Variants in ERMARD observed in about 807,000 individuals in gnomAD.
ERMARD encodes the protein endoplasmic reticulum membrane-associated RNA degradation protein.
Under a neutral mutation model 83.9 loss-of-function variants are expected in ERMARD, and 71 were observed. The ratio of observed to expected loss-of-function variants is 0.85; its 90% CI spans 0.70 to 1.03. The LOEUF (loss-of-function observed/expected upper bound fraction) is 1.03. ERMARD is among the 50% of genes least tolerant of loss of function. The pLI, the probability that ERMARD is intolerant of heterozygous loss-of-function variation, is 0.00. For missense variants in ERMARD, 838 were observed against 810.9 expected (o/e 1.03, Z -0.41); for synonymous variants, 284 against 298.6 (o/e 0.95, Z 0.50).
In ERMARD at chr6:169,756,386, A is replaced by G. The variant is rs374781539; in HGVS notation, c.364A>G (p.Ile122Val). The G allele has an allele frequency of 1.4e-5, 22 of 1,611,988 alleles. No homozygotes were observed. The highest frequency in any genetic ancestry group is 8.0e-5 in the African/African-American group (6 of 74,944). ...CTTGGAAAGTCTACAATCTCCTGCT[A>G]TTTCTCTTAGCTTAATGAAACTGAC... ...DALESLQSPA[I>V]SLSLMKLTSC... Residue 122 changes from isoleucine (I) to valine (V), a missense_variant, in exon 4 of 18, where the codon ATT (isoleucine) becomes GTT (valine). Ile to Val is a conservative substitution (Grantham distance 29). Transcript: ENST00000366773.
chr6:169,752,669 T>G (rs1790283121), intron 1 of ERMARD, among the ~76,000 whole-genome samples: 1 of 152,164 alleles, frequency 6.6e-6, no homozygotes, highest in Non-Finnish European at 1.5e-5. Flanking sequence ...TAATTATGAC[T>G]GTCACAACAC....
At chr6:169,776,814 C>T in intron 16 of ERMARD, 141 bp downstream of exon 16, 1 of 1,008,366 alleles carries the variant, frequency 9.9e-7, no homozygotes, top group South Asian at 1.6e-5. Flanking sequence ...TTGGAGTCCA[C>T]AACTGAGTGT....
At chr6:169,769,509 C>T (rs1386583378) in intron 11 of ERMARD, 31 bp from the exon 12 acceptor site, 1 of 1,579,242 alleles carries the variant, frequency 6.3e-7, no homozygotes, top group Non-Finnish European at 8.6e-7. Flanking sequence ...CGGATACTAA[C>T]AAAATATTTT....
intron 12 of ERMARD, chr6:169,772,020 TAA>T (rs1053978171): frequency 6.6e-6 from 1 of 151,846 alleles, no homozygotes; most frequent in African/African-American, 2.4e-5. Context: ...CTCAGAAAAA[TAA>T]AGAGAACAAA....
chr6:169,756,304 G>A, intron 3 of ERMARD, 34 bp from the exon 4 acceptor site: 6 of 1,355,996 alleles, frequency 4.4e-6, no homozygotes, highest in African/African-American at 1.5e-5. Context: ...TAGTTTCAGA[G>A]TGTACATCCT....
chr6:169,770,158 A>G (rs1487251603), intron 12 of ERMARD, among the ~76,000 whole-genome samples: 4 of 152,208 alleles, frequency 2.6e-5, no homozygotes, highest in Admixed American at 2.6e-4. Flanking sequence ...TATACATGTG[A>G]CAGTTATTTT....
At chr6:169,769,968 A>G (rs1291438779) in intron 12 of ERMARD, among the ~76,000 whole-genome samples, 2 of 152,238 alleles carry the variant, frequency 1.3e-5, no homozygotes, top group East Asian at 3.8e-4. Context: ...AACAGCAGCT[A>G]AGTATTGAAA....
chr6:169,755,532 G>A (rs756323304), intron 3 of ERMARD, 110 bp downstream of exon 3: 24 of 1,400,430 alleles, frequency 1.7e-5, no homozygotes, highest in East Asian at 1.4e-4. Context: ...GCCCTCCAGC[G>A]GTGAAGTGTT....
intron 13 of ERMARD, among the ~76,000 whole-genome samples, chr6:169,774,190 C>T (rs749950868): frequency 2.6e-5 from 4 of 152,094 alleles, no homozygotes; most frequent in Non-Finnish European, 4.4e-5. Context: ...AAAAATTAGC[C>T]GGGCGTGATG....
chr6:169,764,382 G>C (rs563844828), intron 9 of ERMARD, among the ~76,000 whole-genome samples: 87 of 150,094 alleles, frequency 5.8e-4, no homozygotes, highest in African/African-American at 1.8e-3. Flanking sequence ...TCCCACCTCC[G>C]CCCCCCGAGT....
chr6:169,763,560 G>C (rs1465296609), intron 9 of ERMARD, among the ~76,000 whole-genome samples: 1 of 152,240 alleles, frequency 6.6e-6, no homozygotes, highest in Non-Finnish European at 1.5e-5. Flanking sequence ...CCCACGGGAC[G>C]ATCTGTTGTG....
chr6:169,770,644 G>C (rs1045315036), intron 12 of ERMARD: 1 of 151,966 alleles, frequency 6.6e-6, no homozygotes, highest in Non-Finnish European at 1.5e-5. Flanking sequence ...TTATGAGACA[G>C]GGTCTTGCTC....
chr6:169,751,399 AG>A (rs1247846738), upstream of ERMARD: 14 of 1,613,972 alleles, frequency 8.7e-6, no homozygotes, highest in Non-Finnish European at 1.2e-5. Flanking sequence ...GAGCCTGCTG[AG>A]GGGTCTGGTT....
chr6:169,766,845 C>T (rs1204139055), intron 10 of ERMARD, among the ~76,000 whole-genome samples, 178 bp downstream of exon 10: 2 of 152,122 alleles, frequency 1.3e-5, no homozygotes, highest in Non-Finnish European at 2.9e-5. Flanking sequence ...TTTTGGGGCC[C>T]AGTGTTACCA....
chr6:169,755,507 C>T, intron 3 of ERMARD, 85 bp downstream of exon 3: 1 of 1,527,498 alleles, frequency 6.5e-7, no homozygotes, highest in East Asian at 2.3e-5. Context: ...TTAAAGGGGC[C>T]TCCTTCATCC....
At position 169,760,829 on chromosome 6, in the gene ERMARD, G is replaced by A. The variant is rs1459332117; in HGVS notation, c.857+73G>A. ...TTCTTTCTTGATGCCCTTCACTTTC[G>A]ATGCTTTTTGCTGTTGGAGTAGAAG... On this transcript the variant is annotated intron_variant, in intron 8 of 17. Transcript: ENST00000366773. 17 of 1,030,460 alleles carry A rather than the reference G, an allele frequency of 1.6e-5. No homozygotes were observed. The East Asian group carries it at 2.5e-4, about 15-fold the overall frequency. The allele number at this position is 1,030,460 out of a possible 1,614,324, so 63.8% of individuals were successfully genotyped here.
At chr6:169,776,733 C>A in intron 16 of ERMARD, 60 bp downstream of exon 16, 1 of 1,576,238 alleles carries the variant, frequency 6.3e-7, no homozygotes. Context: ...GTCACAGATG[C>A]AGTTCTAGTC....
chr6:169,768,919 C>T (rs1190612340), intron 11 of ERMARD, among the ~76,000 whole-genome samples: 3 of 152,176 alleles, frequency 2.0e-5, no homozygotes, highest in African/African-American at 7.2e-5. Flanking sequence ...GACATTTATT[C>T]CTTCTAACAG....
chr6:169,767,775 A>C, intron 10 of ERMARD: 1 of 348,446 alleles, frequency 2.9e-6, no homozygotes, highest in Non-Finnish European at 5.4e-6. Context: ...ACACACACAC[A>C]CACACAGGCA....
Sources: allele counts gnomAD v4.1 joint callset (sites outside exome capture counted in the v4.1 genomes callset), GRCh38; gene constraint gnomAD v4.1.1; transcripts MANE v1.5; gene names NCBI Gene and HGNC (gene_info 2026-07-23, HGNC 2026-07-21).